SORCS1: variants seen among roughly 807,000 people sequenced by gnomAD.
SORCS1 encodes sortilin related VPS10 domain containing receptor 1, also known as VPS10 domain-containing receptor SorCS1.
In SORCS1, 60 loss-of-function variants were observed where a neutral mutation model predicts 146.1. The ratio of observed to expected loss-of-function variants is 0.41; its 90% CI spans 0.33 to 0.51. The LOEUF (loss-of-function observed/expected upper bound fraction) is 0.51. SORCS1 is among the 20% of genes least tolerant of loss of function. The pLI is 0.21. For missense variants in SORCS1, 1,352 were observed against 1,487.6 expected (o/e 0.91, Z 1.50); for synonymous variants, 637 against 584.0 (o/e 1.09, Z -1.31).
At chr10:106,829,468 T>C (rs1948445962) in intron 3 of SORCS1, 106 bp downstream of exon 3, 3 of 720,300 alleles carry the variant, frequency 4.2e-6, no homozygotes, top group Admixed American at 2.0e-5. Flanking sequence ...TTTACATTTC[T>C]AATCCCAGAT....
intron 3 of SORCS1, among the ~76,000 whole-genome samples, chr10:106,823,367 A>G (rs1948149909): frequency 6.6e-6 from 1 of 152,240 alleles, no homozygotes; most frequent in Non-Finnish European, 1.5e-5. Flanking sequence ...TGACCTAGAA[A>G]TGACTAAAAC....
chr10:106,934,350 G>A (rs759717028), intron 2 of SORCS1, among the ~76,000 whole-genome samples: 1 of 151,794 alleles, frequency 6.6e-6, no homozygotes, highest in Admixed American at 6.6e-5. Context: ...CTCGGTCTCC[G>A]GGGTTCACGT....
intron 5 of SORCS1, among the ~76,000 whole-genome samples, chr10:106,739,498 A>G (rs927425092): frequency 6.6e-6 from 1 of 150,918 alleles, no homozygotes; most frequent in Non-Finnish European, 1.5e-5. Context: ...AAAAGAAAAA[A>G]AAAAAAAAGG....
chr10:106,974,319 T>C (rs1307879484), intron 1 of SORCS1, among the ~76,000 whole-genome samples: 1 of 152,196 alleles, frequency 6.6e-6, no homozygotes, highest in Middle Eastern at 3.2e-3. Context: ...GACGGGAATC[T>C]GGAAAGGTTT....
intron 24 of SORCS1, among the ~76,000 whole-genome samples, chr10:106,584,465 C>T (rs1312085702): frequency 6.6e-6 from 1 of 152,160 alleles, no homozygotes; most frequent in African/African-American, 2.4e-5. Flanking sequence ...AAAGAGTAAA[C>T]AGTCATATTC....
intron 4 of SORCS1, among the ~76,000 whole-genome samples, chr10:106,767,004 C>T (rs185785825): frequency 2.1e-4 from 32 of 152,264 alleles, no homozygotes; most frequent in South Asian, 1.7e-3. Context: ...TAGCAAGAGA[C>T]CCAGTTTGGC....
intron 18 of SORCS1, among the ~76,000 whole-genome samples, chr10:106,640,663 C>T (rs11598968): frequency 0.13 from 20,319 of 152,136 alleles, 1,852 homozygotes; most frequent in East Asian, 0.31. Flanking sequence ...CCTGTGCCTT[C>T]AGGTTCTTGC....
chr10:106,931,313 C>A (rs1186869207), intron 2 of SORCS1, among the ~76,000 whole-genome samples: 2 of 152,114 alleles, frequency 1.3e-5, no homozygotes, highest in Non-Finnish European at 2.9e-5. Flanking sequence ...TACAAAGAAA[C>A]GTGGTCCTAC....
intron 9 of SORCS1, among the ~76,000 whole-genome samples, chr10:106,695,113 A>T (rs767427401): frequency 6.6e-6 from 1 of 152,206 alleles, no homozygotes; most frequent in Non-Finnish European, 1.5e-5. Context: ...CGGACCATTC[A>T]TTCTATTCAG....
intron 2 of SORCS1, among the ~76,000 whole-genome samples, chr10:106,892,014 A>G (rs1318282271): frequency 1.3e-5 from 2 of 152,228 alleles, no homozygotes. Flanking sequence ...CTCCAAATGT[A>G]ACATTCTATG....
intron 9 of SORCS1, among the ~76,000 whole-genome samples, chr10:106,689,224 A>C (rs937427520): frequency 6.6e-6 from 1 of 152,250 alleles, no homozygotes. Context: ...AAACTATTAC[A>C]AAAGCAAATA....
intron 18 of SORCS1, among the ~76,000 whole-genome samples, chr10:106,636,737 GC>G (rs1183306174): frequency 6.6e-6 from 1 of 152,172 alleles, no homozygotes; most frequent in Non-Finnish European, 1.5e-5. Context: ...GGGACACAGA[GC>G]CAAACCATAT....
chr10:107,036,416 C>A, intron 1 of SORCS1, among the ~76,000 whole-genome samples: 1 of 152,152 alleles, frequency 6.6e-6, no homozygotes, highest in East Asian at 1.9e-4. Flanking sequence ...GGGACAATTG[C>A]ATTCGTGAGA....
intron 2 of SORCS1, among the ~76,000 whole-genome samples, chr10:106,932,213 A>G (rs967249744): frequency 6.6e-6 from 1 of 152,112 alleles, no homozygotes; most frequent in Non-Finnish European, 1.5e-5. Flanking sequence ...CTACAAATAT[A>G]TTATTATTTT....
chr10:106,998,657 C>T (rs1440588669), intron 1 of SORCS1, among the ~76,000 whole-genome samples: 1 of 152,220 alleles, frequency 6.6e-6, no homozygotes, highest in Non-Finnish European at 1.5e-5. Context: ...GAATGCCATC[C>T]CCTTTCATTT....
chr10:106,625,823 G>A (rs1179102310), intron 19 of SORCS1, among the ~76,000 whole-genome samples: 1 of 149,796 alleles, frequency 6.7e-6, no homozygotes, highest in Non-Finnish European at 1.5e-5. Flanking sequence ...TTTTTTTTCT[G>A]CAAGACTGGC....
intron 24 of SORCS1, among the ~76,000 whole-genome samples, chr10:106,580,277 C>G (rs1564740633): frequency 6.6e-6 from 1 of 152,148 alleles, no homozygotes; most frequent in Non-Finnish European, 1.5e-5. Context: ...GACAGCCCTC[C>G]CCAAGATGCT....
chr10:106,600,895 T>A (rs1846198088), intron 23 of SORCS1, among the ~76,000 whole-genome samples: 1 of 152,186 alleles, frequency 6.6e-6, no homozygotes, highest in African/African-American at 2.4e-5. Flanking sequence ...AGGATAGGTT[T>A]ATAAGATGAG....
At chr10:107,087,413 C>T (rs528827441) in intron 1 of SORCS1, among the ~76,000 whole-genome samples, 11 of 152,214 alleles carry the variant, frequency 7.2e-5, no homozygotes, top group South Asian at 6.2e-4. Flanking sequence ...AAATAAAAGA[C>T]AATGTAATAT....
Sources: allele counts gnomAD v4.1 joint callset (sites outside exome capture counted in the v4.1 genomes callset), GRCh38; gene constraint gnomAD v4.1.1; transcripts MANE v1.5; gene names NCBI Gene and HGNC (gene_info 2026-07-23, HGNC 2026-07-21).